HMGB1: variants seen among roughly 807,000 people sequenced by gnomAD.
HMGB1 encodes high mobility group protein B1.
For synonymous variants in HMGB1, 81 were observed against 84.0 expected (o/e 0.96, Z 0.19); for missense variants, 79 against 253.5 (o/e 0.31, Z 4.67).
intron 1 of HMGB1, among the ~76,000 whole-genome samples, chr13:30,535,376 A>G (rs1227285373): frequency 6.6e-6 from 1 of 152,228 alleles, no homozygotes; most frequent in African/African-American, 2.4e-5. Context: ...TATTTTGGGG[A>G]AAAAACTGTG....
At chr13:30,556,435 T>C (rs1218298346) in intron 1 of HMGB1, among the ~76,000 whole-genome samples, 2 of 152,136 alleles carry the variant, frequency 1.3e-5, no homozygotes, top group Admixed American at 6.5e-5. Context: ...TCATTGATAG[T>C]ATAACGAAGA....
At chr13:30,492,994 CAAA>C (rs1022752871) in intron 1 of HMGB1, among the ~76,000 whole-genome samples, 1 of 40,452 alleles carries the variant, frequency 2.5e-5, no homozygotes. Flanking sequence ...GACTACATCT[CAAA>C]AAAAAAAAAA....
chr13:30,483,955 T>A (rs1409368450), intron 1 of HMGB1, among the ~76,000 whole-genome samples: 1 of 152,172 alleles, frequency 6.6e-6, no homozygotes, highest in Admixed American at 6.5e-5. Context: ...CCACTCATGG[T>A]CAGGCCCTGC....
chr13:30,472,554 T>C (rs1301927741), intron 1 of HMGB1, among the ~76,000 whole-genome samples: 2 of 152,174 alleles, frequency 1.3e-5, no homozygotes, highest in African/African-American at 4.8e-5. Flanking sequence ...TGAGCTGAGA[T>C]GGTGCCACTG....
intron 1 of HMGB1, among the ~76,000 whole-genome samples, chr13:30,508,774 C>A (rs1362263699): frequency 6.6e-6 from 1 of 152,126 alleles, no homozygotes; most frequent in Non-Finnish European, 1.5e-5. Flanking sequence ...AAGGGTCAGA[C>A]TATGTGCAAA....
intron 1 of HMGB1, among the ~76,000 whole-genome samples, chr13:30,597,279 C>A (rs1871657136): frequency 6.6e-6 from 1 of 151,984 alleles, no homozygotes. Flanking sequence ...ATCAAATGAA[C>A]ATGAAGGCAG....
chr13:30,593,220 A>G (rs1566035057), intron 1 of HMGB1, among the ~76,000 whole-genome samples: 1 of 152,146 alleles, frequency 6.6e-6, no homozygotes, highest in Non-Finnish European at 1.5e-5. Context: ...CAGTGCAGTT[A>G]CAGACCACCC....
intron 1 of HMGB1, among the ~76,000 whole-genome samples, chr13:30,562,734 A>G (rs929650824): frequency 2.0e-5 from 3 of 152,190 alleles, no homozygotes; most frequent in South Asian, 2.1e-4. Context: ...AACACATCTG[A>G]AGCTGATAGA....
chr13:30,607,539 CAATT>C (rs2137570968), intron 1 of HMGB1, among the ~76,000 whole-genome samples: 1 of 151,274 alleles, frequency 6.6e-6, no homozygotes, highest in East Asian at 1.9e-4. Context: ...AAATGTGAGT[CAATT>C]AAACCTCTTT....
intron 1 of HMGB1, among the ~76,000 whole-genome samples, chr13:30,576,506 T>A (rs1420572002): frequency 6.6e-6 from 1 of 151,958 alleles, no homozygotes; most frequent in East Asian, 1.9e-4. Flanking sequence ...TTCCTTTGGG[T>A]TCAGGGATAA....
chr13:30,510,503 C>T (rs1337089337), intron 1 of HMGB1, among the ~76,000 whole-genome samples: 3 of 152,132 alleles, frequency 2.0e-5, no homozygotes, highest in Non-Finnish European at 4.4e-5. Context: ...ACTAAACTTA[C>T]CAGCCCCAGT....
Position 30,493,370 on chromosome 13 carries a change from C to T in HMGB1, c.-14-29676G>A, listed in dbSNP as rs553340215. On this transcript the variant is annotated intron_variant, in intron 1 of 4. Transcript: ENST00000405805. ...TATATGTTTTCATTTATAGAAAATG[C>T]AAACTAATCGGTAAGTGGCAGAAAG... 3.3e-4 allele frequency among the ~76,000 whole-genome samples: 50 copies of T among 152,264 alleles called. No homozygotes were observed. The South Asian group carries it at 9.9e-3, about 30-fold the overall frequency.
At chr13:30,552,763 G>GT (rs1869487081) in intron 1 of HMGB1, among the ~76,000 whole-genome samples, 1 of 152,186 alleles carries the variant, frequency 6.6e-6, no homozygotes, top group African/African-American at 2.4e-5. Context: ...CTCTCTCATT[G>GT]TAACTGGTCA....
intron 1 of HMGB1, among the ~76,000 whole-genome samples, chr13:30,538,591 TTTC>T (rs545329355): frequency 1.3e-4 from 19 of 144,254 alleles, no homozygotes; most frequent in South Asian, 4.3e-4. Flanking sequence ...TTTCTTTTTC[TTTC>T]TTCTTTTTCT....
intron 1 of HMGB1, among the ~76,000 whole-genome samples, chr13:30,546,630 G>T (rs536683334): frequency 6.6e-6 from 1 of 152,008 alleles, no homozygotes; most frequent in South Asian, 2.1e-4. Flanking sequence ...ACTACAGGCG[G>T]GTGCCACCAT....
intron 1 of HMGB1, among the ~76,000 whole-genome samples, chr13:30,578,234 T>C (rs1193954867): frequency 1.3e-5 from 2 of 151,900 alleles, no homozygotes; most frequent in Non-Finnish European, 2.9e-5. Context: ...TATGAACCCA[T>C]CTTTGCTCCT....
Position 30,457,874 on chromosome 13 carries a change from C to CA in HMGB1, c.*3482dup, listed in dbSNP as rs1886056010. ...TAGCACTGCCTTGGTATTAAGAGGA[C>CA]AAGAAAATGAACCACCATCTTTTGC... On this transcript the variant is annotated 3_prime_UTR_variant, in exon 5 of 5. Coordinates refer to ENST00000341423, the MANE Select transcript of HMGB1 (RefSeq NM_002128.7). 1 of 89,968 alleles carries CA rather than the reference C, an allele frequency of 1.1e-5. No individual in the cohort carries two copies. Among genetic ancestry groups the CA allele is most frequent in the South Asian group, 5.7e-4 (1 of 1,760 alleles). The allele number at this position is 89,968 out of a possible 1,614,324, so 5.6% of individuals were successfully genotyped here.
intron 1 of HMGB1, among the ~76,000 whole-genome samples, chr13:30,563,761 T>C (rs552311074): frequency 6.6e-6 from 1 of 152,238 alleles, no homozygotes; most frequent in Non-Finnish European, 1.5e-5. Context: ...ATGTTAGAGG[T>C]GTCTTTGGCA....
chr13:30,465,217 G>A (rs1230531144), intron 1 of HMGB1: 34 of 553,590 alleles, frequency 6.1e-5, no homozygotes, highest in Non-Finnish European at 7.4e-5. Context: ...CCGCGACCGG[G>A]CCGAGGCCGG....
Sources: gnomAD v4.1 joint callset for allele counts (sites outside exome capture counted in the v4.1 genomes callset) on GRCh38, gnomAD v4.1.1 for gene constraint, MANE v1.5 for transcripts, NCBI Gene and HGNC (gene_info 2026-07-23, HGNC 2026-07-21) for gene names.